The following PRKAR1A variants were observed in gnomAD, a reference collection of about 807,000 sequenced individuals.
The protein encoded by PRKAR1A is cAMP-dependent protein kinase type I-alpha regulatory subunit.
Under a neutral mutation model 52.0 loss-of-function variants are expected in PRKAR1A, and 3 were observed. That is an observed-to-expected ratio of 0.06 (90% CI 0.03 to 0.15). PRKAR1A has a LOEUF of 0.15. Among genes scored for constraint, PRKAR1A ranks in the 10% least tolerant of loss-of-function variants. The pLI is 1.00. For synonymous variants in PRKAR1A, 188 were observed against 168.4 expected (o/e 1.12, Z -0.90); for missense variants, 240 against 477.4 (o/e 0.50, Z 4.63).
intron 1 of PRKAR1A, chr17:68,513,394 A>AG (rs1476058773): frequency 1.3e-5 from 2 of 152,264 alleles, no homozygotes; most frequent in Non-Finnish European, 2.9e-5. Context: ...AGATGACCCT[A>AG]GGGGAGCCGT....
chr17:68,518,806 A>G (rs906934868), intron 2 of PRKAR1A, among the ~76,000 whole-genome samples: 6 of 152,194 alleles, frequency 3.9e-5, no homozygotes, highest in Non-Finnish European at 7.3e-5. Context: ...TTGCTTTGTC[A>G]GGCTGCAAAT....
chr17:68,463,722 A>G, the PRKAR1A span, among the ~76,000 whole-genome samples: 2 of 152,208 alleles, frequency 1.3e-5, no homozygotes, highest in Admixed American at 1.3e-4. Context: ...ATGCAGTCAT[A>G]TGGGAAAAAG....
chr17:68,505,377 C>T, the PRKAR1A span, among the ~76,000 whole-genome samples: 1 of 152,282 alleles, frequency 6.6e-6, no homozygotes, highest in South Asian at 2.1e-4. Flanking sequence ...AAACAGTGGA[C>T]CACAGGGGAT....
At chr17:68,545,998 T>C (rs565468405) in intron 11 of PRKAR1A, among the ~76,000 whole-genome samples, 13 of 151,932 alleles carry the variant, frequency 8.6e-5, no homozygotes, top group South Asian at 2.1e-4. Flanking sequence ...TGAAACCCTG[T>C]CTCTACTAAA....
At chr17:68,536,607 C>T (rs1203376364), downstream of PRKAR1A, 2 of 452,816 alleles carry the variant, frequency 4.4e-6, no homozygotes, top group African/African-American at 4.0e-5. Context: ...GGGGACAATC[C>T]TGGGGTCTTA....
At chr17:68,487,330 A>G in the PRKAR1A span, among the ~76,000 whole-genome samples, 6 of 152,302 alleles carry the variant, frequency 3.9e-5, no homozygotes, top group Middle Eastern at 3.4e-3. Flanking sequence ...CTCCAGGTAC[A>G]TTTTTACATT....
chr17:68,474,465 G>A, the PRKAR1A span, among the ~76,000 whole-genome samples: 3 of 152,182 alleles, frequency 2.0e-5, no homozygotes, highest in African/African-American at 7.2e-5. Flanking sequence ...CTTGATCTCC[G>A]GTTGTCTGAT....
the PRKAR1A span, among the ~76,000 whole-genome samples, chr17:68,464,056 A>G: frequency 6.6e-6 from 1 of 152,262 alleles, no homozygotes; most frequent in Non-Finnish European, 1.5e-5. Flanking sequence ...AATGGAAATC[A>G]GCTCAGATGA....
intron 1 of PRKAR1A, chr17:68,514,732 A>T (rs1414352037): frequency 1.3e-5 from 2 of 152,138 alleles, no homozygotes; most frequent in African/African-American, 4.8e-5. Context: ...CCAACTAAGG[A>T]TTTTCCTTCT....
chr17:68,546,700 G>T (rs1386413920), intron 11 of PRKAR1A, among the ~76,000 whole-genome samples: 1 of 151,706 alleles, frequency 6.6e-6, no homozygotes, highest in Non-Finnish European at 1.5e-5. Context: ...CATGGTGGCC[G>T]GCGCCTGTAG....
chr17:68,452,859 G>C, the PRKAR1A span: 1 of 1,541,884 alleles, frequency 6.5e-7, no homozygotes, highest in African/African-American at 1.4e-5. Context: ...AGCCTAGAAG[G>C]AGGCTCTGGT....
the PRKAR1A span, among the ~76,000 whole-genome samples, chr17:68,476,365 AG>A: frequency 6.6e-6 from 1 of 152,222 alleles, no homozygotes; most frequent in Non-Finnish European, 1.5e-5. Context: ...GTCATGTTGC[AG>A]GAAGTGGAGG....
intron 11 of PRKAR1A, among the ~76,000 whole-genome samples, chr17:68,546,870 A>G (rs992680337): frequency 6.6e-6 from 1 of 151,718 alleles, no homozygotes; most frequent in South Asian, 2.1e-4. Context: ...GAAAGTTAGA[A>G]TGACTCCTTG....
the PRKAR1A span, among the ~76,000 whole-genome samples, chr17:68,480,148 A>T: frequency 6.6e-6 from 1 of 152,368 alleles, no homozygotes; most frequent in African/African-American, 2.4e-5. Flanking sequence ...TGAAAAAAAT[A>T]TAGCAGTTCT....
chr17:68,437,468 T>C, the PRKAR1A span, among the ~76,000 whole-genome samples: 1 of 151,694 alleles, frequency 6.6e-6, no homozygotes, highest in Non-Finnish European at 1.5e-5. Context: ...GGCAGGAGAA[T>C]TGCTTAAACC....
the PRKAR1A span, chr17:68,435,547 C>A: frequency 6.8e-7 from 1 of 1,466,428 alleles, no homozygotes; most frequent in South Asian, 1.1e-5. Context: ...CAGGTTTGTT[C>A]AATCCCATCC....
intron 11 of PRKAR1A, among the ~76,000 whole-genome samples, chr17:68,546,671 A>G (rs1218362832): frequency 2.0e-5 from 3 of 152,056 alleles, no homozygotes; most frequent in Non-Finnish European, 2.9e-5. Flanking sequence ...TCTACTAAAA[A>G]TACAAAAAAT....
At position 68,542,786 on chromosome 17, in the gene PRKAR1A, G is replaced by A. The variant is rs770981320; in HGVS notation, c.974-8298G>A. 16 of 1,613,908 alleles carry A rather than the reference G, an allele frequency of 9.9e-6. No homozygotes were observed. In the East Asian group the frequency reaches 2.5e-4, roughly 25 times the overall value. ...ATTTACTATCCTCCCCACTGTTGGC[G>A]GCACCCGTCGGAAGTCCAGAATCCT... On this transcript the variant is annotated intron_variant, in intron 11 of 11. Coordinates refer to the PRKAR1A transcript ENST00000585981.
the PRKAR1A span, among the ~76,000 whole-genome samples, chr17:68,489,478 G>A: frequency 2.2e-5 from 3 of 135,582 alleles, no homozygotes; most frequent in Admixed American, 7.8e-5. Flanking sequence ...TATATATATG[G>A]AAAGTATATC....
Sources: allele counts gnomAD v4.1 joint callset (sites outside exome capture counted in the v4.1 genomes callset), GRCh38; gene constraint gnomAD v4.1.1; transcripts MANE v1.5; gene names NCBI Gene and HGNC (gene_info 2026-07-23, HGNC 2026-07-21).